Variants in GRID2 observed in about 807,000 individuals in gnomAD.
The protein encoded by GRID2 is glutamate ionotropic receptor delta type subunit 2.
In GRID2, 33 loss-of-function variants were observed where a neutral mutation model predicts 114.8. That is an observed-to-expected ratio of 0.29 (90% confidence interval 0.22 to 0.38). GRID2 has a LOEUF of 0.38. Among genes scored for constraint, GRID2 ranks in the 10% least tolerant of loss-of-function variants. The pLI is 1.00. For synonymous variants in GRID2, 505 were observed against 449.9 expected (o/e 1.12, Z -1.55); for missense variants, 1,184 against 1,257.7 (o/e 0.94, Z 0.89).
At chr4:93,235,388 T>C (rs910440163) in intron 7 of GRID2, among the ~76,000 whole-genome samples, 1 of 152,092 alleles carries the variant, frequency 6.6e-6, no homozygotes, top group African/African-American at 2.4e-5. Flanking sequence ...CACCAAGAGA[T>C]AAAAAATACC....
At chr4:93,030,508 T>C (rs1724309080) in intron 2 of GRID2, among the ~76,000 whole-genome samples, 1 of 151,788 alleles carries the variant, frequency 6.6e-6, no homozygotes, top group South Asian at 2.1e-4. Context: ...CCCCAGCCTC[T>C]GGAGTAGCAG....
chr4:93,792,900 C>A (rs1734723338), intron 1 of GRID2, among the ~76,000 whole-genome samples: 1 of 152,142 alleles, frequency 6.6e-6, no homozygotes, highest in Non-Finnish European at 1.5e-5. Flanking sequence ...TATTCCTTTA[C>A]CCACTGCCAC....
rs190316483 is a variant in GRID2, at chr4:93,232,722, T to C, written c.1126-5649T>C. Among the ~76,000 whole-genome samples, 737 of 152,034 alleles carry C rather than the reference T, an allele frequency of 4.8e-3. 7 individuals are homozygous for C. Among genetic ancestry groups the C allele is most frequent in the African/African-American group, 0.017 (711 of 41,550 alleles). Reference sequence around the variant, plus strand: ...TTAAGTACCAGTACATTTTCTTATATTGATATATGTTGAGCCCAACATATA... The same window carrying C: ...TTAAGTACCAGTACATTTTCTTATACTGATATATGTTGAGCCCAACATATA... On this transcript the variant is annotated intron_variant, in intron 7 of 15. Transcript: ENST00000282020.
chr4:93,389,140 A>G (rs1431981464), intron 8 of GRID2, among the ~76,000 whole-genome samples: 1 of 152,152 alleles, frequency 6.6e-6, no homozygotes, highest in African/African-American at 2.4e-5. Context: ...TTCAGATGGT[A>G]CCCATGACCT....
chr4:92,330,113 A>C (rs772249230), intron 1 of GRID2, among the ~76,000 whole-genome samples: 4 of 152,068 alleles, frequency 2.6e-5, no homozygotes, highest in Non-Finnish European at 5.9e-5. Flanking sequence ...AGATTAGTTC[A>C]GGGAAGAAAA....
At chr4:93,055,190 A>G (rs1271215201) in intron 2 of GRID2, among the ~76,000 whole-genome samples, 1 of 151,842 alleles carries the variant, frequency 6.6e-6, no homozygotes, top group African/African-American at 2.4e-5. Flanking sequence ...TTATTTCTGC[A>G]AAGTAAAGTG....
intron 1 of GRID2, among the ~76,000 whole-genome samples, chr4:92,390,882 A>G (rs77243339): frequency 0.014 from 2,103 of 152,226 alleles, 50 homozygotes; most frequent in East Asian, 0.1. Flanking sequence ...TCAAGGATTT[A>G]TGTCTGCTTA....
intron 8 of GRID2, among the ~76,000 whole-genome samples, chr4:93,348,291 C>A (rs765490379): frequency 6.6e-6 from 1 of 152,076 alleles, no homozygotes; most frequent in Non-Finnish European, 1.5e-5. Flanking sequence ...AAGGTAATAT[C>A]TGTTTAATTC....
chr4:92,376,272 T>A (rs2110227947), intron 1 of GRID2, among the ~76,000 whole-genome samples: 1 of 152,156 alleles, frequency 6.6e-6, no homozygotes, highest in African/African-American at 2.4e-5. Flanking sequence ...ATTGCACCAC[T>A]GCACTCCAGC....
At chr4:93,336,171 CTCTT>C (rs1404605132) in intron 8 of GRID2, among the ~76,000 whole-genome samples, 2 of 152,152 alleles carry the variant, frequency 1.3e-5, no homozygotes, top group Non-Finnish European at 2.9e-5. Context: ...CCCTTCTCCT[CTCTT>C]TCTTTACAGA....
intron 8 of GRID2, among the ~76,000 whole-genome samples, chr4:93,265,014 C>T (rs1021260874): frequency 5.3e-5 from 8 of 151,746 alleles, no homozygotes; most frequent in Admixed American, 2.0e-4. Context: ...ATCTCTTGAC[C>T]TCATGATCTG....
rs74427274 is a variant in GRID2, at chr4:93,033,385, A to G, written c.245-51610A>G. Among the ~76,000 whole-genome samples, 495 of 152,330 alleles carry G rather than the reference A, an allele frequency of 3.2e-3. 7 individuals carry two copies. Among genetic ancestry groups the G allele is most frequent in the African/African-American group, 0.011 (477 of 41,584 alleles). ...GGCAGACTCCAAGAAAATACCAAAC[A>G]TAGAGTTTCGGTTGTCCTCCCCTCG... On this transcript the variant is annotated intron_variant, in intron 2 of 15. Transcript: ENST00000282020.
intron 4 of GRID2, among the ~76,000 whole-genome samples, chr4:93,145,130 C>A (rs892727449): frequency 5.3e-5 from 8 of 152,154 alleles, no homozygotes; most frequent in Non-Finnish European, 8.8e-5. Flanking sequence ...AAGTTGCAGT[C>A]TCAGAGAGAC....
rs1034572638 is a variant in GRID2, at chr4:93,108,914, C to T, written c.530-1834C>T. ...AAAGTCCTGGGATTACAGGTGTGAGCCACCACACTGGGCCTCTGACATGTA... is the reference window on the plus strand; with the variant it reads ...AAAGTCCTGGGATTACAGGTGTGAGTCACCACACTGGGCCTCTGACATGTA... On this transcript the variant is annotated intron_variant, in intron 3 of 15. Coordinates refer to ENST00000282020, the MANE Select transcript of GRID2 (RefSeq NM_001510.4). Among the ~76,000 whole-genome samples the T allele has an allele frequency of 4.6e-5, 7 of 152,202 alleles. No individual in the cohort carries two copies. The South Asian group carries it at 6.2e-4, about 14-fold the overall frequency.
chr4:93,529,899 A>G (rs562403382), intron 13 of GRID2, among the ~76,000 whole-genome samples: 7 of 152,200 alleles, frequency 4.6e-5, no homozygotes, highest in Admixed American at 2.0e-4. Context: ...CCTGCCAGCC[A>G]TATGTCTAAC....
chr4:93,345,030 A>AT (rs1760076224), intron 8 of GRID2, among the ~76,000 whole-genome samples: 2 of 146,538 alleles, frequency 1.4e-5, no homozygotes, highest in African/African-American at 5.1e-5. Context: ...TGTAGCTCAC[A>AT]TTTTCTTCAT....
chr4:93,791,526 A>G lies in GRID2; in HGVS notation c.222-15189A>G, dbSNP rs553667226. 1.4e-4 allele frequency among the ~76,000 whole-genome samples: 21 copies of G among 152,370 alleles called. 1 individual carries two copies. The South Asian group carries it at 4.1e-3, about 30-fold the overall frequency. On this transcript the variant is annotated intron_variant, in intron 1 of 1. Coordinates refer to the GRID2 transcript ENST00000637838. ...TCTTTATATTTGTTGTCCAAAAAAAAAGGAAAGACTAACTTTAAGGAGATT... is the reference window on the plus strand; with the variant it reads ...TCTTTATATTTGTTGTCCAAAAAAAGAGGAAAGACTAACTTTAAGGAGATT...
chr4:92,870,021 C>T (rs1398777722), intron 2 of GRID2, among the ~76,000 whole-genome samples: 1 of 151,368 alleles, frequency 6.6e-6, no homozygotes, highest in African/African-American at 2.4e-5. Flanking sequence ...ATAGTGAGAC[C>T]CCGTCTCCAC....
chr4:93,590,528 G>C (rs1470262517), intron 13 of GRID2, among the ~76,000 whole-genome samples: 1 of 151,294 alleles, frequency 6.6e-6, no homozygotes, highest in East Asian at 1.9e-4. Context: ...GGATTGACTT[G>C]GCGATGCGGG....
Sources: allele counts gnomAD v4.1 joint callset (sites outside exome capture counted in the v4.1 genomes callset), GRCh38; gene constraint gnomAD v4.1.1; transcripts MANE v1.5; gene names NCBI Gene and HGNC (gene_info 2026-07-23, HGNC 2026-07-21).